NIBAN2: variants seen among roughly 807,000 people sequenced by gnomAD.
NIBAN2 encodes protein Niban 2.
Under a neutral mutation model 81.8 loss-of-function variants are expected in NIBAN2, and 36 were observed. That is an observed-to-expected ratio of 0.44 (90% CI 0.34 to 0.58). The LOEUF (loss-of-function observed/expected upper bound fraction) is 0.58. NIBAN2 is among the 20% of genes least tolerant of loss of function. The probability of loss-of-function intolerance (pLI) is 0.02; values close to 1 mark genes in which losing one functional copy is unlikely to be tolerated. For synonymous variants in NIBAN2, 445 were observed against 441.6 expected, an observed-to-expected ratio of 1.01 and a Z score of -0.10; for missense variants, 897 against 1,014.1, an observed-to-expected ratio of 0.88 and a Z score of 1.57.
Position 127,563,804 on chromosome 9 carries a change from G to A in NIBAN2, c.55+5016C>T, listed in dbSNP as rs778000732. Among the ~76,000 whole-genome samples the A allele has an allele frequency of 5.3e-5, 8 of 152,116 alleles. No homozygotes were observed. Among genetic ancestry groups the A allele is most frequent in the Non-Finnish European group, 7.3e-5 (5 of 68,034 alleles). On this transcript the variant is annotated intron_variant, in intron 1 of 13. Coordinates refer to ENST00000373312, the MANE Select transcript of NIBAN2 (RefSeq NM_022833.4). The surrounding 1 kb of genome is among the most constrained non-coding windows in gnomAD (Gnocchi z 4.1). Reference sequence around the variant, plus strand: ...GCTGGAATTACAAGCGTGAGTCACCGCGCCCAGCAGAGAGGTAAGTTTTTA... The same window carrying A: ...GCTGGAATTACAAGCGTGAGTCACCACGCCCAGCAGAGAGGTAAGTTTTTA...
chr9:127,508,473 G>A lies in NIBAN2; in HGVS notation c.1383C>T (p.Thr461=). The part of the protein sequence containing the change: ...LLHQELGKGP[T]KEELCKSIQR... ...GGATGGACTTGCACAGCTCCTCCTT[G>A]GTGGGCCCCTTCCCCAGCTCCTGGT... Residue 461 remains threonine, a synonymous_variant, in exon 11 of 14, where the codon ACC becomes ACT. Transcript: ENST00000373312. The surrounding 1 kb of genome is among the most constrained non-coding windows in gnomAD (Gnocchi z 6.4). The A allele has an allele frequency of 6.2e-7, 1 of 1,613,802 alleles. No individual in the cohort carries two copies. The highest frequency in any genetic ancestry group is 1.1e-5 in the South Asian group (1 of 91,080).
intron 1 of NIBAN2, among the ~76,000 whole-genome samples, chr9:127,544,974 G>C (rs558515633): frequency 6.6e-6 from 1 of 152,268 alleles, no homozygotes; most frequent in African/African-American, 2.4e-5. Flanking sequence ...GGGGAAATGG[G>C]GAAAAGCTGC....
intron 9 of NIBAN2, among the ~76,000 whole-genome samples, chr9:127,509,597 C>G (rs1342294787): frequency 6.6e-6 from 1 of 152,156 alleles, no homozygotes; most frequent in Non-Finnish European, 1.5e-5. Context: ...AATCTGACAA[C>G]TATGCGGGCT....
At chr9:127,544,879 T>C (rs995701834) in intron 1 of NIBAN2, among the ~76,000 whole-genome samples, 4 of 152,166 alleles carry the variant, frequency 2.6e-5, no homozygotes, top group African/African-American at 9.7e-5. Context: ...GCCAGCCACA[T>C]ACTCCTAAGA....
rs761676573 is a variant in NIBAN2 at position 127,508,078 on chromosome 9, G to A, written c.1542+15C>T. On this transcript the variant is annotated intron_variant, in intron 12 of 13. Coordinates refer to ENST00000373312, the MANE Select transcript of NIBAN2 (RefSeq NM_022833.4). This position sits in a 1 kb window ranked among gnomAD's most constrained non-coding sequence, Gnocchi z 6.4. ...CTTAGGGCCCAAACGGCTGGAGCAG[G>A]TGGGGGCTGCTCACCGACTTGCAGG... The A allele has an allele frequency of 6.2e-7, 1 of 1,611,848 alleles. No homozygotes were observed. The highest frequency in any genetic ancestry group is 1.1e-5 in the South Asian group (1 of 91,050).
chr9:127,550,927 C>T (rs1332157794), intron 1 of NIBAN2, among the ~76,000 whole-genome samples: 3 of 152,248 alleles, frequency 2.0e-5, no homozygotes, highest in Middle Eastern at 3.4e-3. Flanking sequence ...CCAGAGCTGG[C>T]GGATCCTGCA....
rs766948602 is a variant in NIBAN2 at position 127,508,128 on chromosome 9, A to C, written c.1507T>G (p.Phe503Val). ...GTAGGGGCCAGCTTCTTGAGCAGGA[A>C]CGGGATGCTGATCTGCAGCAGCGCC... is the stretch of plus-strand genomic sequence containing the variant. ...REALLQISIP[F>V]LLKKLAPTCK... is the part of the protein sequence containing the mutation. Residue 503 changes from phenylalanine (F) to valine (V), a missense_variant, in exon 12 of 14, where the codon TTC becomes GTC. Physicochemically the swap from Phe to Val is conservative, Grantham distance 50. This residue lies in a region of NIBAN2 where 619 missense variants were observed against 691.0 expected (regional missense o/e 0.90). Transcript: ENST00000373312. The surrounding 1 kb of genome is among the most constrained non-coding windows in gnomAD (Gnocchi z 6.4). The C allele has an allele frequency of 6.2e-7, 1 of 1,613,598 alleles. No individual in the cohort carries two copies. The highest frequency in any genetic ancestry group is 2.2e-5 in the East Asian group (1 of 44,878).
At chr9:127,552,092 A>G (rs1375987472) in intron 1 of NIBAN2, among the ~76,000 whole-genome samples, 2 of 152,174 alleles carry the variant, frequency 1.3e-5, no homozygotes, top group Non-Finnish European at 2.9e-5. Context: ...CTGGCGTGCC[A>G]TGCTGGGCCT....
At position 127,507,971 on chromosome 9, in the gene NIBAN2, G is replaced by A. The variant is rs745642516; in HGVS notation, c.1550C>T (p.Pro517Leu). 4 of 1,614,156 alleles carry A rather than the reference G, an allele frequency of 2.5e-6. No homozygotes were observed. In the East Asian group the frequency reaches 6.7e-5, roughly 27 times the overall value. The change falls in exon 13 of 14, where the codon CCC (proline) becomes CTC (leucine). Residue 517 changes from proline (P) to leucine (L), a missense_variant. Physicochemically the swap from Pro to Leu is moderately conservative, Grantham distance 98 (BLOSUM62 -3). Coordinates refer to ENST00000373312, the MANE Select transcript of NIBAN2 (RefSeq NM_022833.4). This position sits in a 1 kb window ranked among gnomAD's most constrained non-coding sequence, Gnocchi z 6.8. Reference sequence around the variant, plus strand: ...CTCGAAGATCAGCTCCTGGAACCGGGGCAGCTCCTGCCCGGGTGGGGCGGC... The same window carrying A: ...CTCGAAGATCAGCTCCTGGAACCGGAGCAGCTCCTGCCCGGGTGGGGCGGC... Reference protein sequence around the residue: ...KLAPTCKSELPRFQELIFEDF... With the variant: ...KLAPTCKSELLRFQELIFEDF...
At chr9:127,532,277 T>C (rs1443826296) in intron 1 of NIBAN2, among the ~76,000 whole-genome samples, 1 of 152,178 alleles carries the variant, frequency 6.6e-6, no homozygotes, top group Non-Finnish European at 1.5e-5. Context: ...ATGATCGGTA[T>C]ACATTGGTTC....
At chr9:127,527,622 C>T (rs549806903) in intron 2 of NIBAN2, among the ~76,000 whole-genome samples, 3 of 152,210 alleles carry the variant, frequency 2.0e-5, no homozygotes, top group African/African-American at 7.2e-5. Flanking sequence ...GCCAGGCTCT[C>T]CCTCTCCATC....
intron 1 of NIBAN2, among the ~76,000 whole-genome samples, chr9:127,564,804 C>T (rs915831026): frequency 2.0e-5 from 3 of 149,930 alleles, no homozygotes. Context: ...ACCTGGGAGG[C>T]GGAGGTTGTA....
At chr9:127,565,400 G>A (rs7023319) in intron 1 of NIBAN2, among the ~76,000 whole-genome samples, 4,470 of 152,292 alleles carry the variant, frequency 0.029, 232 homozygotes, top group African/African-American at 0.097. Flanking sequence ...AACATTGATG[G>A]TGGCAATGGT....
Position 127,508,686 on chromosome 9 carries a change from C to G in NIBAN2, c.1318-148G>C, listed in dbSNP as rs571328535. ...AAGCGGTCTATGCCCACTCACAGCT[C>G]TGCACGCTGGAGCAAGTCCCTGCCT... On this transcript the variant is annotated intron_variant, in intron 10 of 13. Transcript: ENST00000373312. The surrounding 1 kb of genome is among the most constrained non-coding windows in gnomAD (Gnocchi z 6.4). 4.2e-5 allele frequency: 32 copies of G among 766,430 alleles called. No homozygotes were observed. The highest frequency in any genetic ancestry group is 7.1e-5 in the Non-Finnish European group (32 of 448,316). 47.5% of individuals were successfully genotyped at this position (766,430 alleles called of 1,614,324 possible).
Position 127,517,126 on chromosome 9 carries a change from G to A in NIBAN2, c.796C>T (p.Arg266Trp), listed in dbSNP as rs374266414. The A allele has an allele frequency of 1.5e-5, 25 of 1,613,398 alleles. No homozygotes were observed. The highest frequency in any genetic ancestry group is 4.5e-5 in the East Asian group (2 of 44,876). ...RLKGKPQERQRQWIQISDAVY... is the reference protein window; with the variant it reads ...RLKGKPQERQWQWIQISDAVY... The stretch of plus-strand genomic sequence containing the variant: ...GGCCCACCCACCTGGATCCACTGCC[G>A]CTGCCGCTCCTGCGGTTTCCCCTTC... The change falls in exon 7 of 14, where the codon CGG becomes TGG. Residue 266 changes from arginine to tryptophan, a missense_variant. By Grantham distance (101) the Arg-to-Trp change is moderately radical. Around this residue, in one of 3 missense-constraint regions of NIBAN2, gnomAD observed 619 missense variants for 691.0 expected, o/e 0.90. Coordinates refer to ENST00000373312, the MANE Select transcript of NIBAN2 (RefSeq NM_022833.4). The surrounding 1 kb of genome is among the most constrained non-coding windows in gnomAD (Gnocchi z 4.0).
intron 1 of NIBAN2, among the ~76,000 whole-genome samples, chr9:127,558,329 G>A (rs1315024241): frequency 1.3e-5 from 2 of 152,162 alleles, no homozygotes; most frequent in Admixed American, 6.5e-5. Flanking sequence ...GGCCCTGCAC[G>A]GGTGCGGGGG....
rs1239021226 is a variant in NIBAN2 at position 127,545,433 on chromosome 9, A to C, written c.56-13655T>G. Among the ~76,000 whole-genome samples, 1 of 152,070 alleles carries C rather than the reference A, an allele frequency of 6.6e-6. No individual in the cohort carries two copies. The highest frequency in any genetic ancestry group is 2.4e-5 in the African/African-American group (1 of 41,408). Reference sequence around the variant, plus strand: ...CCAGGCCCAGGGGGGTGCTTGATAAACAAGTGCCGAACAAGTGTTAGGTCA... The same window carrying C: ...CCAGGCCCAGGGGGGTGCTTGATAACCAAGTGCCGAACAAGTGTTAGGTCA... On this transcript the variant is annotated intron_variant, in intron 1 of 13. Transcript: ENST00000373312. This position sits in a 1 kb window ranked among gnomAD's most constrained non-coding sequence, Gnocchi z 4.7.
upstream of NIBAN2, among the ~76,000 whole-genome samples, chr9:127,573,680 G>T (rs562024419): frequency 5.1e-4 from 78 of 152,226 alleles, no homozygotes; most frequent in Non-Finnish European, 1.1e-3. Context: ...TCGAGACAGG[G>T]TCTCGTTCTG....
At chr9:127,524,207 C>T (rs550059061) in intron 4 of NIBAN2, among the ~76,000 whole-genome samples, 73 of 152,306 alleles carry the variant, frequency 4.8e-4, no homozygotes, top group African/African-American at 1.7e-3. Flanking sequence ...CTTCAGATTT[C>T]GGCTGTGGAG....
Sources: gnomAD v4.1 joint callset for allele counts (sites outside exome capture counted in the v4.1 genomes callset) on GRCh38, gnomAD v4.1.1 for gene constraint, gnomAD v4.1.1 regional missense constraint, Gnocchi (gnomAD v3.1) non-coding constraint, MANE v1.5 for transcripts, NCBI Gene and HGNC (gene_info 2026-07-23, HGNC 2026-07-21) for gene names.